RANBP2: variants seen among roughly 807,000 people sequenced by gnomAD.
RANBP2 encodes RAN binding protein 2, also known as E3 SUMO-protein ligase RanBP2.
RANBP2 carries 57 observed loss-of-function variants against 303.6 expected under a neutral mutation model. The observed-to-expected ratio is 0.19, with a 90% CI of 0.15 to 0.23. The LOEUF is 0.23. Among genes scored for constraint, RANBP2 ranks in the 10% least tolerant of loss-of-function variants. The pLI is 1.00. For missense variants in RANBP2, 3,138 were observed against 3,780.8 expected, an observed-to-expected ratio of 0.83 and a Z score of 4.46; for synonymous variants, 1,167 against 1,301.5, an observed-to-expected ratio of 0.90 and a Z score of 2.23.
At chr2:109,122,249 G>A in the RANBP2 span, among the ~76,000 whole-genome samples, 9 of 152,212 alleles carry the variant, frequency 5.9e-5, no homozygotes, top group African/African-American at 9.7e-5. Context: ...AAGGATTTGC[G>A]GGCAGGTAGT....
chr2:109,702,031 A>T, the RANBP2 span, among the ~76,000 whole-genome samples: 1 of 152,230 alleles, frequency 6.6e-6, no homozygotes, highest in Non-Finnish European at 1.5e-5. Context: ...TCCCCAGAAG[A>T]GTGGTCTTCT....
In RANBP2 at chr2:108,766,862, T is replaced by C. The variant is rs756955122; in HGVS notation, c.6323T>C (p.Leu2108Ser). 24 of 1,610,892 alleles carry C rather than the reference T, an allele frequency of 1.5e-5. No individual in the cohort carries two copies. Among genetic ancestry groups the C allele is most frequent in the African/African-American group, 1.3e-4 (10 of 74,732 alleles). ...LSGSDRAWMW[L>S]ASDFSDGDAK... Reference sequence around the variant, plus strand: ...GGATCAGATAGAGCATGGATGTGGTTAGCCAGTGATTTCTCTGATGGTGAT... The same window carrying C: ...GGATCAGATAGAGCATGGATGTGGTCAGCCAGTGATTTCTCTGATGGTGAT... Residue 2108 changes from leucine to serine, a missense_variant, in exon 20 of 29, where the codon TTA becomes TCA. Physicochemically the swap from Leu to Ser is moderately radical, Grantham distance 145. Transcript: ENST00000283195.
the RANBP2 span, among the ~76,000 whole-genome samples, chr2:109,580,181 C>CAA: frequency 4.5e-4 from 67 of 147,924 alleles, no homozygotes; most frequent in African/African-American, 1.6e-3. Flanking sequence ...AACACAGATG[C>CAA]AAAAAAAAAC....
At chr2:108,892,234 C>T in the RANBP2 span, among the ~76,000 whole-genome samples, 1 of 152,146 alleles carries the variant, frequency 6.6e-6, no homozygotes. Flanking sequence ...TGCTTTCCAG[C>T]CTTGACAATG....
At chr2:108,791,815 T>G in the RANBP2 span, 1 of 1,567,828 alleles carries the variant, frequency 6.4e-7, no homozygotes, top group South Asian at 1.2e-5. Context: ...AAAATAAATA[T>G]TTTAGAACAA....
chr2:109,390,677 C>T, the RANBP2 span, among the ~76,000 whole-genome samples: 1 of 152,122 alleles, frequency 6.6e-6, no homozygotes, highest in African/African-American at 2.4e-5. Flanking sequence ...TGGCGAGACC[C>T]ATGGACTCTG....
chr2:109,172,716 G>A, the RANBP2 span, among the ~76,000 whole-genome samples: 1 of 152,174 alleles, frequency 6.6e-6, no homozygotes, highest in Admixed American at 6.5e-5. Flanking sequence ...ACACATGTCT[G>A]CCCATGTTGA....
chr2:108,856,751 A>G, the RANBP2 span: 1 of 1,583,752 alleles, frequency 6.3e-7, no homozygotes, highest in South Asian at 1.2e-5. Context: ...ATTGACACCT[A>G]GACTAGCAAA....
the RANBP2 span, among the ~76,000 whole-genome samples, chr2:108,970,021 C>T: frequency 4.8e-3 from 737 of 152,298 alleles, 8 homozygotes; most frequent in African/African-American, 0.017. Context: ...GCTTTGGTGA[C>T]GTCTGAGCCT....
chr2:109,070,117 G>A, the RANBP2 span, among the ~76,000 whole-genome samples: 4 of 152,170 alleles, frequency 2.6e-5, no homozygotes, highest in Admixed American at 6.5e-5. Context: ...TACGTTCAAA[G>A]GGTGTGAGGC....
the RANBP2 span, among the ~76,000 whole-genome samples, chr2:109,146,769 C>A: frequency 1.0e-4 from 15 of 148,302 alleles, no homozygotes; most frequent in Non-Finnish European, 2.1e-4. Context: ...CGAAAACTTG[C>A]GGATCTCTCC....
At chr2:109,647,716 C>T in the RANBP2 span, among the ~76,000 whole-genome samples, 7 of 152,188 alleles carry the variant, frequency 4.6e-5, no homozygotes, top group Admixed American at 2.6e-4. Context: ...GCGATCCACC[C>T]GCCTCAGCCT....
At chr2:109,494,458 G>A in the RANBP2 span, among the ~76,000 whole-genome samples, 2 of 152,160 alleles carry the variant, frequency 1.3e-5, no homozygotes, top group Non-Finnish European at 2.9e-5. Flanking sequence ...GGTCGGAGCT[G>A]AGGGCATGAC....
chr2:108,824,764 G>GT, the RANBP2 span, among the ~76,000 whole-genome samples: 152 of 149,010 alleles, frequency 1.0e-3, 1 homozygote, highest in Non-Finnish European at 1.0e-3. Context: ...CAGCACAGTA[G>GT]TTTTTTTTTT....
chr2:109,181,169 T>G, the RANBP2 span, among the ~76,000 whole-genome samples: 1 of 152,214 alleles, frequency 6.6e-6, no homozygotes, highest in African/African-American at 2.4e-5. Flanking sequence ...GACTTCTGTG[T>G]CAGAGTTTTT....
At chr2:109,562,087 C>T in the RANBP2 span, among the ~76,000 whole-genome samples, 15 of 151,806 alleles carry the variant, frequency 9.9e-5, no homozygotes, top group Non-Finnish European at 2.1e-4. Context: ...GTGGTGCATG[C>T]CTATAGTCCC....
the RANBP2 span, among the ~76,000 whole-genome samples, chr2:109,295,919 C>T: frequency 6.6e-6 from 1 of 152,166 alleles, no homozygotes; most frequent in Non-Finnish European, 1.5e-5. Flanking sequence ...CAGAACCCAG[C>T]CTCCTGCCTG....
chr2:109,457,025 G>A, the RANBP2 span, among the ~76,000 whole-genome samples: 1 of 152,188 alleles, frequency 6.6e-6, no homozygotes, highest in Non-Finnish European at 1.5e-5. Context: ...CGGCTGCCTA[G>A]TGTGAATCAA....
At position 108,763,511 on chromosome 2, in the gene RANBP2, C is replaced by T. The variant is rs868589064; in HGVS notation, c.2972C>T (p.Ser991Leu). The T allele has an allele frequency of 6.2e-7, 1 of 1,614,120 alleles. No homozygotes were observed. Among genetic ancestry groups the T allele is most frequent in the Non-Finnish European group, 8.5e-7 (1 of 1,180,002 alleles). ...FTKPPIAAHA[S>L]RSAESKTIEF... The stretch of plus-strand genomic sequence containing the variant: ...AAACCTCCGATTGCAGCTCATGCTT[C>T]AAGATCTGCAGAATCTAAGACTATA... Residue 991 changes from serine to leucine, a missense_variant, in exon 20 of 29, where the codon TCA becomes TTA. Physicochemically the swap from Ser to Leu is moderately radical, Grantham distance 145 (BLOSUM62 -2). This residue lies in a region of RANBP2 where 403 missense variants were observed against 376.7 expected (regional missense o/e 1.07). Coordinates refer to ENST00000283195, the MANE Select transcript of RANBP2 (RefSeq NM_006267.5).
Sources: gnomAD v4.1 joint callset for allele counts (sites outside exome capture counted in the v4.1 genomes callset) on GRCh38, gnomAD v4.1.1 for gene constraint, gnomAD v4.1.1 regional missense constraint, MANE v1.5 for transcripts, NCBI Gene and HGNC (gene_info 2026-07-23, HGNC 2026-07-21) for gene names.